AFF3: variants seen among roughly 807,000 people sequenced by gnomAD.
The protein encoded by AFF3 is ALF transcription elongation factor 3, also known as AF4/FMR2 family member 3.
A neutral mutation model predicts 129.7 loss-of-function variants in AFF3; 32 were observed. The observed-to-expected ratio is 0.25, with a 90% CI of 0.19 to 0.33. The LOEUF is 0.33. Among genes scored for constraint, AFF3 ranks in the 10% least tolerant of loss-of-function variants. The pLI, the probability that AFF3 is intolerant of heterozygous loss-of-function variation, is 1.00. For synonymous variants in AFF3, 644 were observed against 635.4 expected, an observed-to-expected ratio of 1.01 and a Z score of -0.20; for missense variants, 1,373 against 1,592.0, an observed-to-expected ratio of 0.86 and a Z score of 2.34.
chr2:100,023,466 T>G (rs1230053967), intron 4 of AFF3, among the ~76,000 whole-genome samples: 1 of 152,150 alleles, frequency 6.6e-6, no homozygotes, highest in Non-Finnish European at 1.5e-5. Context: ...ACTAGAAAAT[T>G]ACTAAACTTG....
chr2:100,038,387 G>A (rs537360231), intron 4 of AFF3, among the ~76,000 whole-genome samples: 64 of 151,608 alleles, frequency 4.2e-4, no homozygotes, highest in Non-Finnish European at 8.7e-4. Flanking sequence ...AAAAAAAAAG[G>A]GCTCATTTAT....
intron 4 of AFF3, among the ~76,000 whole-genome samples, chr2:100,013,598 C>T (rs1424083836): frequency 2.6e-5 from 4 of 152,182 alleles, no homozygotes; most frequent in Non-Finnish European, 5.9e-5. Context: ...CTCTTAAACC[C>T]TGATGTCTGA....
At chr2:99,605,994 T>TTA (rs1197425497) in intron 13 of AFF3, among the ~76,000 whole-genome samples, 1 of 152,134 alleles carries the variant, frequency 6.6e-6, no homozygotes, top group Non-Finnish European at 1.5e-5. Flanking sequence ...AGCCTAGGCT[T>TTA]TATATATTTA....
chr2:99,978,869 C>T (rs571675621), intron 7 of AFF3, among the ~76,000 whole-genome samples: 35 of 152,192 alleles, frequency 2.3e-4, no homozygotes, highest in Non-Finnish European at 3.7e-4. Flanking sequence ...TTGGACTTCT[C>T]TGCCTCTAGA....
chr2:99,887,172 T>C (rs1361917021), intron 7 of AFF3, among the ~76,000 whole-genome samples: 7 of 152,220 alleles, frequency 4.6e-5, no homozygotes, highest in Non-Finnish European at 1.0e-4. Flanking sequence ...ATGTTCAATT[T>C]AGCCTCAGTC....
chr2:99,979,720 C>A (rs1330409843), intron 7 of AFF3, among the ~76,000 whole-genome samples: 1 of 152,140 alleles, frequency 6.6e-6, no homozygotes, highest in East Asian at 1.9e-4. Flanking sequence ...TGGCCTCAAG[C>A]AATTCCCCCT....
At chr2:99,975,686 G>A (rs2104459367) in intron 7 of AFF3, among the ~76,000 whole-genome samples, 1 of 150,870 alleles carries the variant, frequency 6.6e-6, no homozygotes, top group African/African-American at 2.4e-5. Flanking sequence ...AGTAACACAT[G>A]AGCTTTGATG....
At chr2:99,771,429 C>A (rs1226492915) in intron 8 of AFF3, among the ~76,000 whole-genome samples, 1 of 149,436 alleles carries the variant, frequency 6.7e-6, no homozygotes, top group African/African-American at 2.5e-5. Flanking sequence ...AAAAAAAAAA[C>A]CAGAGCAATT....
At position 99,554,391 on chromosome 2, in the gene AFF3, T is replaced by A; in HGVS notation, c.3479A>T (p.Asn1160Ile). The A allele has an allele frequency of 1.2e-6, 2 of 1,614,180 alleles. No individual in the cohort carries two copies. Among genetic ancestry groups the A allele is most frequent in the Non-Finnish European group, 1.7e-6 (2 of 1,180,032 alleles). Reference sequence around the variant, plus strand: ...GATGCTGTTGGTGATGCTGACGTGGTTGGCCGCCATCTGGTGGATGCGCTG... The same window carrying A: ...GATGCTGTTGGTGATGCTGACGTGGATGGCCGCCATCTGGTGGATGCGCTG... ...IPQRIHQMAA[N>I]HVSITNSILH... Residue 1160 changes from asparagine (N) to isoleucine (I), a missense_variant, in exon 24 of 25, where the codon AAC becomes ATC. Asn to Ile is a moderately radical substitution (Grantham distance 149). Transcript: ENST00000672756.
chr2:99,896,032 G>T (rs1396756669), intron 7 of AFF3, among the ~76,000 whole-genome samples: 1 of 127,478 alleles, frequency 7.8e-6, no homozygotes, highest in East Asian at 2.3e-4. Flanking sequence ...TCGCACCACT[G>T]CACCCCAGTC....
chr2:100,096,571 A>G (rs933037026), intron 4 of AFF3, among the ~76,000 whole-genome samples: 1 of 151,106 alleles, frequency 6.6e-6, no homozygotes, highest in Non-Finnish European at 1.5e-5. Flanking sequence ...TTTAGTCCTT[A>G]CAAGTCAAAG....
intron 13 of AFF3, among the ~76,000 whole-genome samples, chr2:99,636,636 T>C (rs867254587): frequency 8.5e-5 from 13 of 152,152 alleles, no homozygotes; most frequent in Admixed American, 2.6e-4. Flanking sequence ...GGCATGCAGA[T>C]GGCTGGAGTC....
intron 13 of AFF3, among the ~76,000 whole-genome samples, chr2:99,643,627 G>A (rs564634183): frequency 6.6e-6 from 1 of 152,246 alleles, no homozygotes; most frequent in South Asian, 2.1e-4. Context: ...CTGTGCTGGT[G>A]GCCACTCCAA....
At chr2:99,878,870 T>A (rs1330782013) in intron 7 of AFF3, among the ~76,000 whole-genome samples, 1 of 152,224 alleles carries the variant, frequency 6.6e-6, no homozygotes, top group East Asian at 1.9e-4. Flanking sequence ...GCCCTTTGGA[T>A]TCACTTTGGA....
intron 7 of AFF3, among the ~76,000 whole-genome samples, chr2:99,894,629 C>T (rs1387561211): frequency 1.3e-5 from 2 of 151,798 alleles, no homozygotes; most frequent in Non-Finnish European, 1.5e-5. Flanking sequence ...CCACCACGCC[C>T]GGCTAATTTT....
chr2:99,829,926 T>TA (rs1051427482), intron 8 of AFF3, among the ~76,000 whole-genome samples: 1 of 152,214 alleles, frequency 6.6e-6, no homozygotes, highest in African/African-American at 2.4e-5. Context: ...GTGGCATATA[T>TA]ACACCATGGA....
rs144010569 is a variant in AFF3 at position 99,593,809 on chromosome 2, C to T, written c.1852G>A (p.Val618Met). Residue 618 changes from valine (V) to methionine (M), a missense_variant, in exon 15 of 25, where the codon GTG becomes ATG. Physicochemically the swap from Val to Met is conservative, Grantham distance 21. Coordinates refer to ENST00000672756, the MANE Select transcript of AFF3 (RefSeq NM_001386135.1). ...TTGGTGGGCTCCGGGGGGACCACCA[C>T]GCTCGTCCCCAGCGCGTCCGCGGCC... The part of the protein sequence containing the change: ...PAAADALGTS[V>M]VVPPEPTKTR... 9.9e-5 allele frequency: 159 copies of T among 1,610,404 alleles called. No homozygotes were observed. The highest frequency in any genetic ancestry group is 1.2e-4 in the Non-Finnish European group (144 of 1,179,228).
intron 7 of AFF3, among the ~76,000 whole-genome samples, chr2:100,003,118 G>C (rs1386866273): frequency 7.3e-6 from 1 of 137,816 alleles, no homozygotes; most frequent in Non-Finnish European, 1.6e-5. Context: ...TCGGGGGGGT[G>C]GGGGTGGTAC....
At chr2:99,835,918 G>A (rs752545492) in intron 8 of AFF3, among the ~76,000 whole-genome samples, 14 of 152,214 alleles carry the variant, frequency 9.2e-5, no homozygotes, top group Non-Finnish European at 2.1e-4. Context: ...AGGGGCATGA[G>A]GCTCTCATCA....
Sources: allele counts gnomAD v4.1 joint callset (sites outside exome capture counted in the v4.1 genomes callset), GRCh38; gene constraint gnomAD v4.1.1; transcripts MANE v1.5; gene names NCBI Gene and HGNC (gene_info 2026-07-23, HGNC 2026-07-21).